The following AGO3 variants were observed in gnomAD, a reference collection of about 807,000 sequenced individuals.
AGO3 encodes the protein protein argonaute-3.
AGO3 carries 16 observed loss-of-function variants against 105.5 expected under a neutral mutation model. The ratio of observed to expected loss-of-function variants is 0.15; its 90% CI spans 0.10 to 0.23. The LOEUF (loss-of-function observed/expected upper bound fraction) is 0.23. AGO3 is among the 10% of genes least tolerant of loss of function. The pLI, the probability that AGO3 is intolerant of heterozygous loss-of-function variation, is 1.00. For missense variants in AGO3, 534 were observed against 1,088.0 expected (o/e 0.49, Z 7.16); for synonymous variants, 340 against 367.3 (o/e 0.93, Z 0.85).
chr1:35,994,998 C>T (rs1014059533), intron 5 of AGO3, among the ~76,000 whole-genome samples: 4 of 151,424 alleles, frequency 2.6e-5, no homozygotes, highest in Non-Finnish European at 5.9e-5. Context: ...CAGGAGTTTG[C>T]GACCAGCCTG....
At chr1:36,025,227 AT>A (rs1288208733) in intron 11 of AGO3, among the ~76,000 whole-genome samples, 1 of 152,050 alleles carries the variant, frequency 6.6e-6, no homozygotes, top group African/African-American at 2.4e-5. Context: ...GAGAAATAAA[AT>A]TTTTTTCTAT....
chr1:36,050,465 G>A (rs186742871), intron 17 of AGO3, among the ~76,000 whole-genome samples: 5 of 151,964 alleles, frequency 3.3e-5, no homozygotes, highest in African/African-American at 7.2e-5. Context: ...CAGCCTGGGC[G>A]ACAGAGTGAG....
chr1:35,998,134 T>C (rs1487910576), intron 5 of AGO3, among the ~76,000 whole-genome samples: 3 of 152,214 alleles, frequency 2.0e-5, no homozygotes, highest in Non-Finnish European at 4.4e-5. Context: ...TAGTCTATTT[T>C]GGTAAATTTC....
chr1:36,043,502 A>G lies in AGO3; in HGVS notation c.2228A>G (p.His743Arg). 1 of 1,613,934 alleles carries G rather than the reference A, an allele frequency of 6.2e-7. No homozygotes were observed. Among genetic ancestry groups the G allele is most frequent in the Non-Finnish European group, 8.5e-7 (1 of 1,179,958 alleles). Residue 743 changes from histidine to arginine, a missense_variant, in exon 17 of 19, where the codon CAC becomes CGC. Physicochemically the swap from His to Arg is conservative, Grantham distance 29. Transcript: ENST00000373191. ...AGTTVDTDIT[H>R]PYEFDFYLCS... ...ACAACAGTTGATACAGACATTACAC[A>G]CCCATATGAGTTCGATTTTTACCTC...
At position 36,027,728 on chromosome 1, in the gene AGO3, G is replaced by A. The variant is rs1308490116; in HGVS notation, c.1591+430G>A. Among the ~76,000 whole-genome samples the A allele has an allele frequency of 2.7e-5, 4 of 150,834 alleles. No homozygotes were observed. Among genetic ancestry groups the A allele is most frequent in the Admixed American group, 2.6e-4 (4 of 15,106 alleles). ...CAGGAGGTGGAGCTTGCAGTGAGCC[G>A]AGATCGCACCGGTGCACTCCAGCCT... On this transcript the variant is annotated intron_variant, in intron 12 of 18. Coordinates refer to ENST00000373191, the MANE Select transcript of AGO3 (RefSeq NM_024852.4). The surrounding 1 kb of genome is among the most constrained non-coding windows in gnomAD (Gnocchi z 4.0).
intron 1 of AGO3, among the ~76,000 whole-genome samples, chr1:35,935,087 C>G (rs1162544980): frequency 6.6e-6 from 1 of 152,104 alleles, no homozygotes; most frequent in Non-Finnish European, 1.5e-5. Context: ...TTGGCTTATG[C>G]TGCCCTGGAG....
At chr1:36,009,243 G>A in intron 8 of AGO3, 199 bp downstream of exon 8, 4 of 845,084 alleles carry the variant, frequency 4.7e-6, no homozygotes, top group Non-Finnish European at 5.1e-6. Context: ...TGTAACCACT[G>A]TTAACATTTT....
At chr1:35,961,481 T>C (rs907882094) in intron 2 of AGO3, among the ~76,000 whole-genome samples, 5 of 152,182 alleles carry the variant, frequency 3.3e-5, no homozygotes, top group Non-Finnish European at 7.3e-5. Flanking sequence ...GTTCCAACTA[T>C]TTTTCCTAGT....
chr1:35,931,712 A>T (rs1012332675), intron 1 of AGO3, among the ~76,000 whole-genome samples: 4 of 152,240 alleles, frequency 2.6e-5, no homozygotes, highest in African/African-American at 9.6e-5. Context: ...TCTTTGCTGG[A>T]GTACCCTTCT....
At chr1:35,989,759 C>T (rs560019361) in intron 5 of AGO3, among the ~76,000 whole-genome samples, 25 of 152,026 alleles carry the variant, frequency 1.6e-4, no homozygotes, top group African/African-American at 5.3e-4. Context: ...CTTGCAATCC[C>T]GGCCACTCAG....
At chr1:36,044,994 A>G (rs752850264) in intron 17 of AGO3, among the ~76,000 whole-genome samples, 6 of 152,204 alleles carry the variant, frequency 3.9e-5, no homozygotes, top group Non-Finnish European at 7.3e-5. Context: ...TGTATCTTAT[A>G]GCTTTATATG....
At chr1:36,049,411 G>A (rs1642608730) in intron 17 of AGO3, among the ~76,000 whole-genome samples, 1 of 151,972 alleles carries the variant, frequency 6.6e-6, no homozygotes, top group African/African-American at 2.4e-5. Context: ...CCAGCTACTT[G>A]GGAGGCTGAG....
In AGO3 at chr1:35,988,110, AT is replaced by A. The variant is rs150972521; in HGVS notation, c.658+14600del. Among the ~76,000 whole-genome samples, 709 of 152,260 alleles carry A rather than the reference AT, an allele frequency of 4.7e-3. 31 individuals carry two copies. The East Asian group carries it at 0.1, about 22-fold the overall frequency. On this transcript the variant is annotated intron_variant, in intron 5 of 18. Coordinates refer to ENST00000373191, the MANE Select transcript of AGO3 (RefSeq NM_024852.4). ...AAAAGACCTATGGTAACTTAATGAA[AT>A]GGAAATAAAGCCTAACATTTGAAGT...
Position 36,067,258 on chromosome 1 carries a change from A to T in AGO3, c.*11513A>T, listed in dbSNP as rs185127727. ...AATTTTGGCATAGACAGTCCGACCC[A>T]GTTCATGGATACAGTTTGATCCCAG... On this transcript the variant is annotated 3_prime_UTR_variant, in exon 19 of 19. Coordinates refer to ENST00000373191, the MANE Select transcript of AGO3 (RefSeq NM_024852.4). The T allele has an allele frequency of 3.9e-5, 6 of 152,382 alleles. No individual in the cohort carries two copies. The East Asian group carries it at 1.2e-3, about 29-fold the overall frequency. 9.4% of individuals were successfully genotyped at this position (152,382 alleles called of 1,614,324 possible).
chr1:35,963,759 C>G (rs376825860), intron 2 of AGO3, among the ~76,000 whole-genome samples: 19 of 152,014 alleles, frequency 1.2e-4, no homozygotes, highest in Admixed American at 4.6e-4. Context: ...TTGTGGTAAT[C>G]GGGAATGGAA....
chr1:35,946,628 T>C (rs1015846041), intron 2 of AGO3, among the ~76,000 whole-genome samples: 47 of 152,226 alleles, frequency 3.1e-4, no homozygotes, highest in Admixed American at 3.1e-3. Flanking sequence ...AAAAAGAATG[T>C]TGTTTCTCTC....
intron 3 of AGO3, among the ~76,000 whole-genome samples, chr1:35,967,456 C>G (rs1646795368): frequency 6.6e-6 from 1 of 151,808 alleles, no homozygotes; most frequent in African/African-American, 2.4e-5. Context: ...GCTTTGTCAC[C>G]TAGGTTGGAG....
chr1:35,942,621 ATAGT>A (rs1410628091), intron 1 of AGO3, among the ~76,000 whole-genome samples: 3 of 152,158 alleles, frequency 2.0e-5, no homozygotes, highest in Admixed American at 6.6e-5. Flanking sequence ...TATTCAGATA[ATAGT>A]TTATTAATTT....
At chr1:35,971,417 C>G (rs987603879) in intron 3 of AGO3, among the ~76,000 whole-genome samples, 4 of 151,498 alleles carry the variant, frequency 2.6e-5, no homozygotes, top group East Asian at 1.9e-4. Flanking sequence ...CCTCAGCCCC[C>G]CAAAGTGCTG....
Sources: allele counts gnomAD v4.1 joint callset (sites outside exome capture counted in the v4.1 genomes callset), GRCh38; gene constraint gnomAD v4.1.1; non-coding constraint Gnocchi (gnomAD v3.1); transcripts MANE v1.5; gene names NCBI Gene and HGNC (gene_info 2026-07-23, HGNC 2026-07-21).